IGF1R: variants seen among roughly 807,000 people sequenced by gnomAD.
IGF1R encodes insulin like growth factor 1 receptor, also known as insulin-like growth factor 1 receptor.
Under a neutral mutation model 144.6 loss-of-function variants are expected in IGF1R, and 44 were observed. The observed-to-expected ratio is 0.30, with a 90% CI of 0.24 to 0.39. IGF1R has a LOEUF of 0.39. Among genes scored for constraint, IGF1R ranks in the 10% least tolerant of loss-of-function variants. The pLI is 1.00. For synonymous variants in IGF1R, 795 were observed against 722.8 expected (o/e 1.10, Z -1.60); for missense variants, 1,355 against 1,833.7 (o/e 0.74, Z 4.77).
At chr15:98,797,217 C>T (rs557563836) in intron 2 of IGF1R, among the ~76,000 whole-genome samples, 1 of 152,314 alleles carries the variant, frequency 6.6e-6, no homozygotes, top group African/African-American at 2.4e-5. Flanking sequence ...ACCTGATGTC[C>T]ATGCTGAGTA....
At chr15:98,913,953 C>CA (rs1322525422) in intron 8 of IGF1R, among the ~76,000 whole-genome samples, 4 of 152,066 alleles carry the variant, frequency 2.6e-5, no homozygotes, top group South Asian at 2.1e-4. Context: ...GCTTCTATCA[C>CA]AAAAAAACAG....
intron 1 of IGF1R, among the ~76,000 whole-genome samples, chr15:98,690,780 C>T (rs1368279115): frequency 6.6e-6 from 1 of 152,154 alleles, no homozygotes. Flanking sequence ...TCCTTCCAGG[C>T]ATTTTTTCCA....
At chr15:98,887,191 C>T (rs990553031) in intron 2 of IGF1R, among the ~76,000 whole-genome samples, 2 of 152,186 alleles carry the variant, frequency 1.3e-5, no homozygotes, top group Admixed American at 1.3e-4. Context: ...CTTCCCCAGC[C>T]TGTGTATCGG....
intron 17 of IGF1R, among the ~76,000 whole-genome samples, chr15:98,938,816 T>TA (rs1341529502): frequency 3.3e-5 from 5 of 152,244 alleles, no homozygotes; most frequent in Non-Finnish European, 7.3e-5. Context: ...CTCTTACCTG[T>TA]ACTTCGGTGA....
chr15:98,682,349 CG>C (rs1205319976), intron 1 of IGF1R, among the ~76,000 whole-genome samples: 1 of 151,988 alleles, frequency 6.6e-6, no homozygotes, highest in Non-Finnish European at 1.5e-5. Context: ...TTTTAGGGCC[CG>C]TGGAGACCGA....
chr15:98,874,512 G>A (rs1408869186), intron 2 of IGF1R, among the ~76,000 whole-genome samples: 6 of 152,188 alleles, frequency 3.9e-5, no homozygotes, highest in East Asian at 1.9e-4. Flanking sequence ...AGATCTTTTC[G>A]GTGAAGTAGG....
At chr15:98,905,140 G>A (rs1019525500) in intron 5 of IGF1R, among the ~76,000 whole-genome samples, 7 of 152,154 alleles carry the variant, frequency 4.6e-5, no homozygotes, top group Non-Finnish European at 5.9e-5. Context: ...GCTCTGAACC[G>A]TGTACCTGGG....
rs1006697509 is a variant in IGF1R at position 98,959,993 on chromosome 15, GGTGTGTGT to G, written c.*2557_*2564del. 2 of 230,572 alleles carry G rather than the reference GGTGTGTGT, an allele frequency of 8.7e-6. No homozygotes were observed. Among genetic ancestry groups the G allele is most frequent in the Non-Finnish European group, 1.7e-5 (2 of 116,536 alleles). 14.3% of individuals were successfully genotyped at this position (230,572 alleles called of 1,614,324 possible). A position where few individuals can be genotyped will look rare whatever the true frequency, so the allele number is the denominator to read the frequency against. ...AGGGTGTGTGTGTGTGTATGTGTGG[GGTGTGTGT>G]GTGTGAGAGTGATGGGACAGTTCTT... On this transcript the variant is annotated 3_prime_UTR_variant, in exon 21 of 21. Coordinates refer to ENST00000650285, the MANE Select transcript of IGF1R (RefSeq NM_000875.5).
chr15:98,708,791 T>G (rs1483034557), intron 2 of IGF1R, among the ~76,000 whole-genome samples: 1 of 152,222 alleles, frequency 6.6e-6, no homozygotes, highest in African/African-American at 2.4e-5. Context: ...GGGATTCTGT[T>G]TTCGTTCTTT....
intron 1 of IGF1R, among the ~76,000 whole-genome samples, chr15:98,667,811 C>T (rs2052783065): frequency 6.6e-6 from 1 of 152,026 alleles, no homozygotes; most frequent in South Asian, 2.1e-4. Flanking sequence ...CTCTGGACCT[C>T]CAAAGCAAAC....
intron 2 of IGF1R, among the ~76,000 whole-genome samples, chr15:98,826,563 A>G (rs2056898343): frequency 6.6e-6 from 1 of 152,280 alleles, no homozygotes; most frequent in South Asian, 2.1e-4. Context: ...TATTTAGGCT[A>G]TAAATCTAGA....
intron 2 of IGF1R, among the ~76,000 whole-genome samples, chr15:98,717,295 C>T (rs2141274910): frequency 6.6e-6 from 1 of 151,636 alleles, no homozygotes; most frequent in Admixed American, 6.6e-5. Context: ...AACATGTTTC[C>T]AAGCACATAG....
intron 2 of IGF1R, among the ~76,000 whole-genome samples, chr15:98,756,397 C>A (rs1398163358): frequency 6.6e-6 from 1 of 151,842 alleles, no homozygotes; most frequent in Non-Finnish European, 1.5e-5. Flanking sequence ...AGCCTTTTCT[C>A]TGGATTTTGA....
At chr15:98,722,155 A>G (rs2054261181) in intron 2 of IGF1R, among the ~76,000 whole-genome samples, 1 of 152,162 alleles carries the variant, frequency 6.6e-6, no homozygotes, top group Admixed American at 6.5e-5. Context: ...AGATGACACA[A>G]ACTAGGATTC....
At chr15:98,776,578 T>G (rs870306) in intron 2 of IGF1R, among the ~76,000 whole-genome samples, 18,839 of 152,228 alleles carry the variant, frequency 0.12, 1,284 homozygotes, top group Middle Eastern at 0.19. Context: ...TAAGAGCCTC[T>G]TCCCTCCTTC....
At position 98,813,556 on chromosome 15, in the gene IGF1R, G is replaced by A. The variant is rs535791020; in HGVS notation, c.641-77769G>A. Among the ~76,000 whole-genome samples the A allele has an allele frequency of 1.1e-4, 16 of 152,294 alleles. No individual in the cohort carries two copies. In the Middle Eastern group the frequency reaches 0.01, roughly 97 times the overall value. On this transcript the variant is annotated intron_variant, in intron 2 of 20. Transcript: ENST00000650285. ...TCAGGACCAACCTTGGTTCTTCTCC[G>A]TGTGGCCCCTTGGCATGGTGCACTA...
intron 12 of IGF1R, 69 bp from the exon 13 acceptor site, chr15:98,924,456 G>A: frequency 6.7e-7 from 1 of 1,503,110 alleles, no homozygotes; most frequent in Non-Finnish European, 9.3e-7. Context: ...AGTGTGGTGA[G>A]TTTAGTTGGC....
chr15:98,775,760 G>A (rs1420061394), intron 2 of IGF1R, among the ~76,000 whole-genome samples: 1 of 152,208 alleles, frequency 6.6e-6, no homozygotes, highest in Non-Finnish European at 1.5e-5. Context: ...AAGCTCACAG[G>A]GCTGGGCCCC....
At chr15:98,890,747 T>C in intron 2 of IGF1R, 2 of 161,730 alleles carry the variant, frequency 1.2e-5, no homozygotes, top group Admixed American at 1.2e-4. Context: ...CAGCTTTGGC[T>C]TATTTGAGGT....
Sources: allele counts gnomAD v4.1 joint callset (sites outside exome capture counted in the v4.1 genomes callset), GRCh38; gene constraint gnomAD v4.1.1; transcripts MANE v1.5; gene names NCBI Gene and HGNC (gene_info 2026-07-23, HGNC 2026-07-21).